The following NUP93 variants were observed in gnomAD, a reference collection of about 807,000 sequenced individuals.
NUP93 encodes nucleoporin 93, also known as nuclear pore complex protein Nup93.
Under a neutral mutation model 107.8 loss-of-function variants are expected in NUP93, and 55 were observed. The observed-to-expected ratio is 0.51, with a 90% CI of 0.41 to 0.64. The LOEUF (loss-of-function observed/expected upper bound fraction) is 0.64, where lower values mean the gene tolerates loss of function less well. Among genes scored for constraint, NUP93 ranks in the 30% least tolerant of loss-of-function variants. The pLI is 0.00. For synonymous variants in NUP93, 390 were observed against 397.5 expected (o/e 0.98, Z 0.22); for missense variants, 937 against 1,044.7 (o/e 0.90, Z 1.42).
rs180702917 is a variant in NUP93, at chr16:56,749,476, G to A, written c.179+1050G>A. On this transcript the variant is annotated intron_variant, in intron 2 of 21. Transcript: ENST00000308159. ...GGAAGGGCATGGGAGGATGGAGAGGGTGCTGCTACTTGTGCCTTTGATGGG... is the reference window on the plus strand; with the variant it reads ...GGAAGGGCATGGGAGGATGGAGAGGATGCTGCTACTTGTGCCTTTGATGGG... Among the ~76,000 whole-genome samples the A allele has an allele frequency of 1.8e-4, 27 of 152,282 alleles. No homozygotes were observed. In the East Asian group the frequency reaches 4.8e-3, roughly 27 times the overall value.
At chr16:56,778,454 T>G (rs936883714) in intron 3 of NUP93, among the ~76,000 whole-genome samples, 1 of 152,090 alleles carries the variant, frequency 6.6e-6, no homozygotes, top group Non-Finnish European at 1.5e-5. Context: ...GCAGTACTTA[T>G]GGAAGTTGGT....
chr16:56,828,914 G>T, intron 8 of NUP93, 63 bp from the exon 9 acceptor site: 1 of 1,537,638 alleles, frequency 6.5e-7, no homozygotes, highest in Non-Finnish European at 9.0e-7. Flanking sequence ...CATGGATATG[G>T]GCATAGAGAT....
chr16:56,746,323 T>G (rs1479660748), intron 1 of NUP93, among the ~76,000 whole-genome samples: 1 of 152,166 alleles, frequency 6.6e-6, no homozygotes, highest in African/African-American at 2.4e-5. Flanking sequence ...AAAATGCCCC[T>G]CTTCTCAAAA....
At chr16:56,816,041 A>AGT (rs532111634) in intron 5 of NUP93, among the ~76,000 whole-genome samples, 95 of 152,350 alleles carry the variant, frequency 6.2e-4, no homozygotes, top group African/African-American at 2.2e-3. Flanking sequence ...AGTAGCAAAG[A>AGT]GTACAGAGTG....
chr16:56,735,843 A>AT (rs1555489433), intron 1 of NUP93, among the ~76,000 whole-genome samples: 1 of 150,482 alleles, frequency 6.6e-6, no homozygotes, highest in Non-Finnish European at 1.5e-5. Context: ...AAAAAAAAAA[A>AT]GGAAGCTAGA....
chr16:56,831,891 C>A lies in NUP93; in HGVS notation c.1135C>A (p.Leu379Ile). Residue 379 changes from leucine (L) to isoleucine (I), a missense_variant, in exon 11 of 22, where the codon CTC (leucine) becomes ATC (isoleucine). By Grantham distance (5) the Leu-to-Ile change is conservative. Transcript: ENST00000308159. ...NKLRLHYRRALRNNTDPYKRA... is the reference protein window; with the variant it reads ...NKLRLHYRRAIRNNTDPYKRA... ...GCTCCGGCTGCATTACCGTAGGGCC[C>A]TCAGGAACAATACAGATCCCTACAA... is the stretch of plus-strand genomic sequence containing the variant. 1 of 1,614,116 alleles carries A rather than the reference C, an allele frequency of 6.2e-7. No homozygotes were observed. Among genetic ancestry groups the A allele is most frequent in the South Asian group, 1.1e-5 (1 of 91,076 alleles).
chr16:56,788,643 C>G lies in NUP93; in HGVS notation c.298-9833C>G, dbSNP rs572655212. On this transcript the variant is annotated intron_variant, in intron 3 of 21. Transcript: ENST00000308159. Reference sequence around the variant, plus strand: ...GCAAATAACAGAAATGCCCCAGGGCCCCTGAAAAGGGCAGAACTGGCTTTG... The same window carrying G: ...GCAAATAACAGAAATGCCCCAGGGCGCCTGAAAAGGGCAGAACTGGCTTTG... Among the ~76,000 whole-genome samples the G allele has an allele frequency of 4.6e-5, 7 of 152,290 alleles. No homozygotes were observed. In the South Asian group the frequency reaches 1.5e-3, roughly 32 times the overall value.
chr16:56,773,941 A>G (rs1289807425), intron 3 of NUP93, among the ~76,000 whole-genome samples: 1 of 152,250 alleles, frequency 6.6e-6, no homozygotes, highest in Non-Finnish European at 1.5e-5. Flanking sequence ...TCAAGGACAT[A>G]GTGTTCAATA....
chr16:56,794,640 T>C (rs1443150519), intron 3 of NUP93, among the ~76,000 whole-genome samples: 1 of 151,500 alleles, frequency 6.6e-6, no homozygotes, highest in Non-Finnish European at 1.5e-5. Flanking sequence ...ATTAAAAGAA[T>C]GGGATAGGCT....
In NUP93 at chr16:56,823,979, G is replaced by A. The variant is rs1963605174; in HGVS notation, c.794+133G>A. ...GATTTATTATGTTAAATTGAACAAG[G>A]TTCAGAGTTGTAATCCTGTTTCAGA... On this transcript the variant is annotated intron_variant, in intron 8 of 21. Transcript: ENST00000308159. 5 of 1,145,542 alleles carry A rather than the reference G, an allele frequency of 4.4e-6. No individual in the cohort carries two copies. The South Asian group carries it at 8.2e-5, about 19-fold the overall frequency. The allele number at this position is 1,145,542 out of a possible 1,614,324, so 71.0% of individuals were successfully genotyped here.
intron 3 of NUP93, among the ~76,000 whole-genome samples, chr16:56,760,979 C>G (rs913433550): frequency 1.3e-5 from 2 of 151,952 alleles, no homozygotes; most frequent in African/African-American, 2.4e-5. Flanking sequence ...AAAAAAAAAC[C>G]CAGAAACAAC....
chr16:56,787,019 G>A (rs1165506779), intron 3 of NUP93, among the ~76,000 whole-genome samples: 5 of 152,240 alleles, frequency 3.3e-5, no homozygotes, highest in Admixed American at 2.6e-4. Context: ...GCATTCTGCA[G>A]TATTCCTCAG....
At chr16:56,805,403 G>A (rs1963113759) in intron 4 of NUP93, 101 bp from the exon 5 acceptor site, 2 of 1,267,288 alleles carry the variant, frequency 1.6e-6, no homozygotes, top group East Asian at 2.4e-5. Flanking sequence ...TACCTATGGA[G>A]AAGTGGTTGG....
At chr16:56,784,276 G>C (rs1359597016) in intron 3 of NUP93, among the ~76,000 whole-genome samples, 1 of 152,118 alleles carries the variant, frequency 6.6e-6, no homozygotes. Flanking sequence ...TTTAATTTTA[G>C]TGTCTTATTT....
chr16:56,780,780 TTTGCAACCAA>T (rs1400589340), intron 3 of NUP93, among the ~76,000 whole-genome samples: 4 of 152,170 alleles, frequency 2.6e-5, no homozygotes, highest in African/African-American at 9.6e-5. Flanking sequence ...AGATGTTGGT[TTTGCAACCAA>T]CAGATTGCAA....
chr16:56,812,468 C>T (rs547721190), intron 5 of NUP93, among the ~76,000 whole-genome samples: 59 of 152,162 alleles, frequency 3.9e-4, no homozygotes, highest in African/African-American at 1.1e-3. Flanking sequence ...CTCAGCCTCC[C>T]GAATAGCTGG....
chr16:56,768,701 C>A (rs1962262310), intron 3 of NUP93, among the ~76,000 whole-genome samples: 1 of 148,384 alleles, frequency 6.7e-6, no homozygotes, highest in East Asian at 2.0e-4. Flanking sequence ...CCTGTCTCTA[C>A]TAAAAAATAC....
chr16:56,791,673 C>G (rs1295914429), intron 3 of NUP93, among the ~76,000 whole-genome samples: 2 of 152,196 alleles, frequency 1.3e-5, no homozygotes. Context: ...ACTTTGGCTG[C>G]CAGGTCCTTG....
intron 3 of NUP93, among the ~76,000 whole-genome samples, chr16:56,774,584 G>C (rs1035963214): frequency 6.6e-6 from 1 of 152,174 alleles, no homozygotes; most frequent in African/African-American, 2.4e-5. Context: ...CTGCATATTT[G>C]AAAAATGTAT....
Sources: gnomAD v4.1 joint callset for allele counts (sites outside exome capture counted in the v4.1 genomes callset) on GRCh38, gnomAD v4.1.1 for gene constraint, MANE v1.5 for transcripts, NCBI Gene and HGNC (gene_info 2026-07-23, HGNC 2026-07-21) for gene names.